LAMA4: variants seen among roughly 807,000 people sequenced by gnomAD.
LAMA4 encodes the protein laminin subunit alpha-4.
LAMA4 carries 127 observed loss-of-function variants against 207.1 expected under a neutral mutation model. The observed-to-expected ratio is 0.61, with a 90% confidence interval of 0.53 to 0.71. LAMA4 has a LOEUF of 0.71. Among genes scored for constraint, LAMA4 ranks in the 30% least tolerant of loss-of-function variants. LAMA4 has a pLI of 0.00. For synonymous variants in LAMA4, 761 were observed against 816.0 expected, an observed-to-expected ratio of 0.93 and a Z score of 1.15; for missense variants, 2,093 against 2,246.5, an observed-to-expected ratio of 0.93 and a Z score of 1.38.
chr6:112,219,733 T>C (rs1404937426), intron 2 of LAMA4, among the ~76,000 whole-genome samples: 1 of 152,216 alleles, frequency 6.6e-6, no homozygotes, highest in Non-Finnish European at 1.5e-5. Context: ...ATATCTACCA[T>C]GTTTAAGTCA....
chr6:112,210,914 T>A (rs2115038007), intron 3 of LAMA4, among the ~76,000 whole-genome samples: 1 of 152,246 alleles, frequency 6.6e-6, no homozygotes, highest in South Asian at 2.1e-4. Flanking sequence ...ATTAGAAAAT[T>A]TTTCAGTTTA....
chr6:112,216,199 C>G (rs76951526), intron 3 of LAMA4, among the ~76,000 whole-genome samples, 169 bp downstream of exon 3: 1 of 152,184 alleles, frequency 6.6e-6, no homozygotes, highest in Non-Finnish European at 1.5e-5. Context: ...CCCTTAAAAT[C>G]AGAAGTAGTT....
intron 10 of LAMA4, among the ~76,000 whole-genome samples, chr6:112,175,882 T>C (rs1287400930): frequency 6.6e-6 from 1 of 152,204 alleles, no homozygotes; most frequent in Non-Finnish European, 1.5e-5. Context: ...ATAACATACT[T>C]AACTTGGAGA....
At chr6:112,250,859 C>A (rs1787394065) in intron 2 of LAMA4, among the ~76,000 whole-genome samples, 2 of 152,194 alleles carry the variant, frequency 1.3e-5, no homozygotes, top group South Asian at 4.1e-4. Flanking sequence ...ATTCCTGCCC[C>A]CACACCAGTT....
chr6:112,178,360 A>T, intron 9 of LAMA4, 128 bp from the exon 10 acceptor site: 1 of 709,378 alleles, frequency 1.4e-6, no homozygotes, highest in Non-Finnish European at 2.5e-6. Flanking sequence ...AAAGTTCTAT[A>T]ACACATGAAA....
chr6:112,139,373 T>A, intron 23 of LAMA4, 82 bp from the exon 24 acceptor site: 2 of 1,427,046 alleles, frequency 1.4e-6, no homozygotes, highest in Non-Finnish European at 2.0e-6. Context: ...CCCATTCTTC[T>A]AACATCTTCT....
chr6:112,121,113 A>G (rs1554326049), intron 32 of LAMA4, among the ~76,000 whole-genome samples: 1 of 152,154 alleles, frequency 6.6e-6, no homozygotes. Flanking sequence ...AAAAATATGT[A>G]TGTTAAAGAA....
At chr6:112,208,662 T>C (rs1323579144) in intron 3 of LAMA4, among the ~76,000 whole-genome samples, 1 of 152,186 alleles carries the variant, frequency 6.6e-6, no homozygotes, top group Non-Finnish European at 1.5e-5. Context: ...AATGAATGCA[T>C]TAGAAGGCAT....
In LAMA4 at chr6:112,139,837, C is replaced by T; in HGVS notation, c.3025G>A (p.Ala1009Thr). ...CTGATCACATCATTATTCAAAGTGGCCAGTTCCAGGCAGCCAACAAAGCCA... is the reference window on the plus strand; with the variant it reads ...CTGATCACATCATTATTCAAAGTGGTCAGTTCCAGGCAGCCAACAAAGCCA... The part of the protein sequence containing the change: ...LPGFVGCLEL[A>T]TLNNDVISLY... Residue 1009 changes from alanine to threonine, a missense_variant, in exon 23 of 39, where the codon GCC (alanine) becomes ACC (threonine). Coordinates refer to ENST00000230538, the MANE Select transcript of LAMA4 (RefSeq NM_001105206.3). 6.2e-7 allele frequency: 1 copy of T among 1,613,964 alleles called. No homozygotes were observed. The highest frequency in any genetic ancestry group is 8.5e-7 in the Non-Finnish European group (1 of 1,179,942).
intron 19 of LAMA4, among the ~76,000 whole-genome samples, chr6:112,144,239 A>T (rs1779881160): frequency 6.6e-6 from 1 of 152,188 alleles, no homozygotes; most frequent in African/African-American, 2.4e-5. Context: ...GTCCCAAAAC[A>T]CATATAGTGT....
chr6:112,116,033 A>G (rs782045595), intron 35 of LAMA4, 40 bp from the exon 36 acceptor site: 1 of 1,580,886 alleles, frequency 6.3e-7, no homozygotes. Flanking sequence ...GAACAGCAAG[A>G]TCATATTTGT....
chr6:112,136,112 A>C lies in LAMA4; in HGVS notation c.3414+11T>G. ...CAAAAACAAAACCAACCAAACTACAATGATTTGTACCTCATGGTATTTTGC... is the reference window on the plus strand; with the variant it reads ...CAAAAACAAAACCAACCAAACTACACTGATTTGTACCTCATGGTATTTTGC... On this transcript the variant is annotated intron_variant, in intron 25 of 38. Coordinates refer to ENST00000230538, the MANE Select transcript of LAMA4 (RefSeq NM_001105206.3). 1 of 1,610,806 alleles carries C rather than the reference A, an allele frequency of 6.2e-7. No homozygotes were observed. Among genetic ancestry groups the C allele is most frequent in the Non-Finnish European group, 8.5e-7 (1 of 1,178,978 alleles).
intron 5 of LAMA4, among the ~76,000 whole-genome samples, chr6:112,199,478 T>C (rs2044884297): frequency 6.6e-6 from 1 of 152,056 alleles, no homozygotes. Context: ...AGCCAGAAAA[T>C]GAGTAAATCA....
intron 38 of LAMA4, among the ~76,000 whole-genome samples, chr6:112,112,435 G>A (rs587637183): frequency 4.5e-4 from 69 of 152,332 alleles, no homozygotes; most frequent in Non-Finnish European, 8.8e-4. Flanking sequence ...GAGCTTGCAT[G>A]CTATGGTGAA....
chr6:112,140,826 G>C lies in LAMA4; in HGVS notation c.2910C>G (p.Asp970Glu). The C allele has an allele frequency of 6.2e-7, 1 of 1,613,982 alleles. No homozygotes were observed. The highest frequency in any genetic ancestry group is 8.5e-7 in the Non-Finnish European group (1 of 1,179,920). The change falls in exon 22 of 39, where the codon GAC becomes GAG. Residue 970 changes from aspartate to glutamate, a missense_variant. By Grantham distance (45) the Asp-to-Glu change is conservative. Around this residue, in one of 3 missense-constraint regions of LAMA4, gnomAD observed 1,704 missense variants for 1,788.4 expected, o/e 0.95. Transcript: ENST00000230538. ...FIKKGEFSGD[D>E]SLLDLDPEDT... ...CCTCAGGGTCCAGGTCCAGCAGAGA[G>C]TCATCTCCCGAAAATTCCCCCTTTT...
chr6:112,190,923 C>T (rs1018468442), intron 6 of LAMA4, among the ~76,000 whole-genome samples: 48 of 97,238 alleles, frequency 4.9e-4, no homozygotes, highest in Admixed American at 2.3e-4. Context: ...TTCTTTCTTT[C>T]TTTCTTTCTT....
intron 16 of LAMA4, chr6:112,154,650 C>T (rs781717323): frequency 5.3e-5 from 30 of 567,214 alleles, no homozygotes; most frequent in Non-Finnish European, 8.4e-5. Flanking sequence ...TAGTTTACTA[C>T]ATAGCATTTT....
chr6:112,114,570 C>A (rs1554322758), intron 37 of LAMA4, 93 bp downstream of exon 37: 57 of 838,594 alleles, frequency 6.8e-5, no homozygotes. Context: ...GACTGTCATG[C>A]ATTACCTATC....
rs1780154647 is a variant in LAMA4, at chr6:112,148,246, A to T, written c.2264T>A (p.Met755Lys). ...TGACCAGTTGGTTAGATTGTTGGCC[A>T]TGGGGGCAGTGGCCTGCTGCACCTC... Reference protein sequence around the residue: ...TMEVQQATAPMANNLTNWSQN... With the variant: ...TMEVQQATAPKANNLTNWSQN... The change falls in exon 18 of 39, where the codon ATG becomes AAG. Residue 755 changes from methionine to lysine, a missense_variant. Coordinates refer to ENST00000230538, the MANE Select transcript of LAMA4 (RefSeq NM_001105206.3). The T allele has an allele frequency of 3.1e-6, 5 of 1,614,220 alleles. No homozygotes were observed. The highest frequency in any genetic ancestry group is 3.4e-6 in the Non-Finnish European group (4 of 1,180,020).
Sources: gnomAD v4.1 joint callset for allele counts (sites outside exome capture counted in the v4.1 genomes callset) on GRCh38, gnomAD v4.1.1 for gene constraint, gnomAD v4.1.1 regional missense constraint, MANE v1.5 for transcripts, NCBI Gene and HGNC (gene_info 2026-07-23, HGNC 2026-07-21) for gene names.